IFI44: variants seen among roughly 807,000 people sequenced by gnomAD.
IFI44 encodes interferon induced protein 44.
A neutral mutation model predicts 45.0 loss-of-function variants in IFI44; 42 were observed. That is an observed-to-expected ratio of 0.93 (90% CI 0.73 to 1.21). The LOEUF is 1.21. Among genes scored for constraint, IFI44 ranks in the 50% most tolerant of loss-of-function variants. The pLI is 0.00. For missense variants in IFI44, 623 were observed against 525.8 expected (o/e 1.18, Z -1.81); for synonymous variants, 221 against 188.6 (o/e 1.17, Z -1.41).
chr1:78,660,556 G>T lies in IFI44; in HGVS notation c.1015G>T (p.Val339Leu). The T allele has an allele frequency of 1.9e-6, 3 of 1,610,360 alleles. No homozygotes were observed. The highest frequency in any genetic ancestry group is 2.5e-6 in the Non-Finnish European group (3 of 1,176,756). The change falls in exon 7 of 9, where the codon GTG becomes TTG. Residue 339 changes from valine (V) to leucine (L), a missense_variant and splice_region_variant. Val to Leu is a conservative substitution (Grantham distance 32, BLOSUM62 1). Transcript: ENST00000370747. ...TTAAAAAATTCTGTTTGGCATAGGT[G>T]TGGTACATGTGGCTTTGCTCACTCA... ...RIRRELVNAG[V>L]VHVALLTHVD...
Position 78,663,827 on chromosome 1 carries a change from A to T in IFI44, c.*16A>T, listed in dbSNP as rs1647610831. ...AAAAAAATAGATATGTGAAAGGTTC[A>T]CGTAAATTTCCTCACATCACAGAAG... On this transcript the variant is annotated 3_prime_UTR_variant, in exon 9 of 9. Transcript: ENST00000370747. 6.2e-7 allele frequency: 1 copy of T among 1,610,662 alleles called. No homozygotes were observed. The highest frequency in any genetic ancestry group is 2.2e-5 in the East Asian group (1 of 44,724).
At chr1:78,656,877 T>C (rs953138155) in intron 5 of IFI44, among the ~76,000 whole-genome samples, 2 of 151,638 alleles carry the variant, frequency 1.3e-5, no homozygotes, top group African/African-American at 4.8e-5. Flanking sequence ...AAATATTCTT[T>C]TTTAAATACA....
chr1:78,661,315 C>T (rs558282355), intron 7 of IFI44, among the ~76,000 whole-genome samples: 45 of 152,200 alleles, frequency 3.0e-4, no homozygotes, highest in African/African-American at 5.1e-4. Context: ...CTGCTCATCT[C>T]GGTCCCCCAA....
chr1:78,660,896 T>G, intron 7 of IFI44: 1 of 481,500 alleles, frequency 2.1e-6, no homozygotes, highest in South Asian at 2.0e-5. Flanking sequence ...GGCATAGTAT[T>G]TGTATTTGCA....
intron 2 of IFI44, among the ~76,000 whole-genome samples, chr1:78,653,359 C>A (rs1192951074): frequency 2.6e-5 from 4 of 152,034 alleles, no homozygotes; most frequent in African/African-American, 9.7e-5. Context: ...TTTAAACTCC[C>A]AGGAGGCTGC....
chr1:78,662,210 G>A (rs1300503710), intron 7 of IFI44, among the ~76,000 whole-genome samples: 1 of 152,132 alleles, frequency 6.6e-6, no homozygotes, highest in African/African-American at 2.4e-5. Context: ...CTTATAACAA[G>A]CCTATGAAAT....
Position 78,650,389 on chromosome 1 carries a change from C to T in IFI44, c.194C>T (p.Ala65Val), listed in dbSNP as rs143576887. ...YSEDHIIGAY[A>V]EESYQEGKYA... ...GAAGATCATATTATTGGAGCATATG[C>T]AGAAGAGAGTTACCAGGAAGGAAAG... Residue 65 changes from alanine (A) to valine (V), a missense_variant, in exon 2 of 9, where the codon GCA (alanine) becomes GTA (valine). Coordinates refer to ENST00000370747, the MANE Select transcript of IFI44 (RefSeq NM_006417.5). 1.9e-6 allele frequency: 3 copies of T among 1,613,850 alleles called. No homozygotes were observed. In the African/African-American group the frequency reaches 4.0e-5, roughly 22 times the overall value.
At chr1:78,650,913 G>A (rs189893804) in intron 2 of IFI44, among the ~76,000 whole-genome samples, 35 of 152,302 alleles carry the variant, frequency 2.3e-4, no homozygotes, top group Non-Finnish European at 3.7e-4. Context: ...TGGACTATAG[G>A]TTCTTGGAAA....
rs1486099250 is a variant in IFI44, at chr1:78,660,549, C to G, written c.1013-5C>G. 1.2e-6 allele frequency: 2 copies of G among 1,603,570 alleles called. No individual in the cohort carries two copies. Among genetic ancestry groups the G allele is most frequent in the Non-Finnish European group, 1.7e-6 (2 of 1,171,606 alleles). ...AAATGATTTAAAAAATTCTGTTTGG[C>G]ATAGGTGTGGTACATGTGGCTTTGC... On this transcript the variant is annotated splice_region_variant and splice_polypyrimidine_tract_variant and intron_variant, in intron 6 of 8. Transcript: ENST00000370747.
chr1:78,654,930 GA>G, intron 3 of IFI44, 83 bp from the exon 4 acceptor site: 1 of 1,065,090 alleles, frequency 9.4e-7, no homozygotes, highest in Non-Finnish European at 1.3e-6. Context: ...TAATATCTAT[GA>G]AAAAATGAAT....
Position 78,660,559 on chromosome 1 carries a change from G to C in IFI44, c.1018G>C (p.Val340Leu), listed in dbSNP as rs371905481. The part of the protein sequence containing the change: ...IRRELVNAGV[V>L]HVALLTHVDS... ...AAAAATTCTGTTTGGCATAGGTGTG[G>C]TACATGTGGCTTTGCTCACTCATGT... Residue 340 changes from valine (V) to leucine (L), a missense_variant, in exon 7 of 9, where the codon GTA becomes CTA. Coordinates refer to ENST00000370747, the MANE Select transcript of IFI44 (RefSeq NM_006417.5). 23 of 1,611,196 alleles carry C rather than the reference G, an allele frequency of 1.4e-5. No homozygotes were observed. The highest frequency in any genetic ancestry group is 2.0e-5 in the Non-Finnish European group (23 of 1,177,528).
intron 5 of IFI44, among the ~76,000 whole-genome samples, chr1:78,656,989 C>T (rs1013793390): frequency 6.6e-6 from 1 of 151,670 alleles, no homozygotes; most frequent in Non-Finnish European, 1.5e-5. Context: ...CTCGTTTTAT[C>T]TATATCTACC....
chr1:78,659,542 A>G (rs1368494449), intron 6 of IFI44, 59 bp downstream of exon 6: 1 of 1,339,892 alleles, frequency 7.5e-7, no homozygotes, highest in East Asian at 2.4e-5. Context: ...ACTAGACTGT[A>G]TTTTAGAATG....
intron 7 of IFI44, among the ~76,000 whole-genome samples, chr1:78,661,287 C>T (rs899692100): frequency 4.6e-5 from 7 of 152,252 alleles, no homozygotes; most frequent in Middle Eastern, 3.4e-3. Context: ...TGGTCTCAAA[C>T]TCCTGACCTC....
chr1:78,660,858 T>C (rs1647410384), intron 7 of IFI44: 5 of 554,562 alleles, frequency 9.0e-6, no homozygotes, highest in South Asian at 1.9e-5. Flanking sequence ...GGACTTTGCA[T>C]TGTTACCAAA....
intron 2 of IFI44, among the ~76,000 whole-genome samples, chr1:78,653,057 C>T (rs902447386): frequency 6.6e-6 from 1 of 151,984 alleles, no homozygotes; most frequent in Non-Finnish European, 1.5e-5. Context: ...TTTGATAAAA[C>T]AAGATAATTA....
At chr1:78,661,432 A>G (rs1647445048) in intron 7 of IFI44, among the ~76,000 whole-genome samples, 1 of 152,108 alleles carries the variant, frequency 6.6e-6, no homozygotes, top group Non-Finnish European at 1.5e-5. Flanking sequence ...CAGAAGGCTA[A>G]CTGTCTATCT....
At chr1:78,661,232 T>C (rs982752273) in intron 7 of IFI44, among the ~76,000 whole-genome samples, 6 of 152,044 alleles carry the variant, frequency 3.9e-5, no homozygotes, top group African/African-American at 1.4e-4. Flanking sequence ...TGGCTAATCT[T>C]TTCTGTATTT....
At chr1:78,655,914 TC>T (rs1416671727) in intron 5 of IFI44, among the ~76,000 whole-genome samples, 1 of 152,080 alleles carries the variant, frequency 6.6e-6, no homozygotes, top group Non-Finnish European at 1.5e-5. Context: ...TATGTTGAAG[TC>T]CCTAGTCCTC....
Sources: gnomAD v4.1 joint callset for allele counts (sites outside exome capture counted in the v4.1 genomes callset) on GRCh38, gnomAD v4.1.1 for gene constraint, MANE v1.5 for transcripts, NCBI Gene and HGNC (gene_info 2026-07-23, HGNC 2026-07-21) for gene names.